The following RUBCNL variants were observed in gnomAD, a reference collection of about 807,000 sequenced individuals.
The protein encoded by RUBCNL is rubicon like autophagy enhancer.
RUBCNL carries 62 observed loss-of-function variants against 69.5 expected under a neutral mutation model. The ratio of observed to expected loss-of-function variants is 0.89; its 90% CI spans 0.73 to 1.10. The LOEUF is 1.10. Among genes scored for constraint, RUBCNL ranks in the 50% least tolerant of loss-of-function variants. The pLI, the probability that RUBCNL is intolerant of heterozygous loss-of-function variation, is 0.00. For missense variants in RUBCNL, 768 were observed against 798.1 expected (o/e 0.96, Z 0.45); for synonymous variants, 291 against 303.6 (o/e 0.96, Z 0.43).
chr13:46,354,657 C>A (rs2048443938), intron 10 of RUBCNL: 5 of 407,152 alleles, frequency 1.2e-5, no homozygotes, highest in South Asian at 8.9e-5. Context: ...CCGATGAAAC[C>A]TCTTACTCCC....
At chr13:46,343,645 C>T (rs764807158) in intron 14 of RUBCNL, 148 bp from the exon 15 acceptor site, 8 of 739,302 alleles carry the variant, frequency 1.1e-5, no homozygotes, top group Admixed American at 2.9e-5. Flanking sequence ...CTGAAACGCA[C>T]GTTTCAGCAG....
chr13:46,372,388 G>A lies in RUBCNL; in HGVS notation c.88C>T (p.Pro30Ser), dbSNP rs1419039339. 2 of 1,613,836 alleles carry A rather than the reference G, an allele frequency of 1.2e-6. No individual in the cohort carries two copies. The highest frequency in any genetic ancestry group is 8.5e-7 in the Non-Finnish European group (1 of 1,179,834). ...GGATGGTCAGTGTTCAGGAGTCTGG[G>A]CGAACCATCAATAATGCCAGAGTGA... ...SDHSGIIDGS[P>S]RLLNTDHPPC... The change falls in exon 3 of 15, where the codon CCC (proline) becomes TCC (serine). Residue 30 changes from proline to serine, a missense_variant. Pro to Ser is a moderately conservative substitution (Grantham distance 74). Coordinates refer to ENST00000429979, the MANE Select transcript of RUBCNL (RefSeq NM_025113.5).
chr13:46,350,319 G>C lies in RUBCNL; in HGVS notation c.1363C>G (p.Leu455Val), dbSNP rs1270764448. 3 of 1,561,574 alleles carry C rather than the reference G, an allele frequency of 1.9e-6. No homozygotes were observed. Among genetic ancestry groups the C allele is most frequent in the Non-Finnish European group, 2.6e-6 (3 of 1,151,174 alleles). Residue 455 changes from leucine (L) to valine (V), a missense_variant, in exon 11 of 15, where the codon CTA (leucine) becomes GTA (valine). Physicochemically the swap from Leu to Val is conservative, Grantham distance 32. Coordinates refer to ENST00000429979, the MANE Select transcript of RUBCNL (RefSeq NM_025113.5). The part of the protein sequence containing the change: ...FVKRLRYCEY[L>V]GKYFCDCCHS... ...CAGCAGTCACAGAAATACTTCCCTA[G>C]GTATTCGCAGTACCGGAGCCGCTTC... is the stretch of plus-strand genomic sequence containing the variant.
At chr13:46,347,007 G>A (rs1354592269) in intron 12 of RUBCNL, among the ~76,000 whole-genome samples, 5 of 152,136 alleles carry the variant, frequency 3.3e-5, no homozygotes, top group Admixed American at 1.3e-4. Context: ...TTTTAGATTT[G>A]GGGGTATGTG....
chr13:46,369,190 C>G (rs1379640542), intron 3 of RUBCNL, among the ~76,000 whole-genome samples: 3 of 152,196 alleles, frequency 2.0e-5, no homozygotes, highest in Non-Finnish European at 4.4e-5. Flanking sequence ...GCTTCTCTAG[C>G]TCATTGTGAT....
intron 10 of RUBCNL, among the ~76,000 whole-genome samples, chr13:46,354,389 T>C (rs1056567452): frequency 1.3e-5 from 2 of 152,186 alleles, no homozygotes; most frequent in African/African-American, 4.8e-5. Context: ...AGGAACTCTC[T>C]CTACTCTTTT....
At position 46,342,035 on chromosome 13, in the gene RUBCNL, T is replaced by C. The variant is rs1320701606; in HGVS notation, c.*1350A>G. 1 of 152,256 alleles carries C rather than the reference T, an allele frequency of 6.6e-6. No homozygotes were observed. Among genetic ancestry groups the C allele is most frequent in the Non-Finnish European group, 1.5e-5 (1 of 68,044 alleles). The allele number at this position is 152,256 out of a possible 1,614,324, so 9.4% of individuals were successfully genotyped here. The stretch of plus-strand genomic sequence containing the variant: ...TGGTTTTATTTATTCTATGTGCCTC[T>C]ACACTTCTATAATACTTAGAAAAGA... On this transcript the variant is annotated 3_prime_UTR_variant, in exon 15 of 15. Coordinates refer to ENST00000429979, the MANE Select transcript of RUBCNL (RefSeq NM_025113.5).
rs951481620 is a variant in RUBCNL, at chr13:46,339,238, A to G, written c.*4147T>C. Among the ~76,000 whole-genome samples, 4 of 152,100 alleles carry G rather than the reference A, an allele frequency of 2.6e-5. No individual in the cohort carries two copies. Among genetic ancestry groups the G allele is most frequent in the Admixed American group, 2.0e-4 (3 of 15,270 alleles). On this transcript the variant is annotated 3_prime_UTR_variant, in exon 15 of 15. Transcript: ENST00000429979. The stretch of plus-strand genomic sequence containing the variant: ...GCCTGCTACCTCAGCATTACTCATA[A>G]AAGTATTGTTTTAGTTTCTAGTGAA...
upstream of RUBCNL, among the ~76,000 whole-genome samples, chr13:46,388,220 A>AAAC (rs1555258499): frequency 1.4e-5 from 2 of 146,034 alleles, no homozygotes; most frequent in African/African-American, 2.6e-5. Flanking sequence ...AAAAAAAAAA[A>AAAC]CAGAAAGGAG....
At chr13:46,353,818 T>C (rs1279065639) in intron 10 of RUBCNL, among the ~76,000 whole-genome samples, 1 of 152,232 alleles carries the variant, frequency 6.6e-6, no homozygotes, top group Non-Finnish European at 1.5e-5. Flanking sequence ...TGCTGTCCAA[T>C]ACAGTAGCCA....
intron 10 of RUBCNL, chr13:46,351,098 A>G (rs2048359491): frequency 7.4e-6 from 1 of 134,658 alleles, no homozygotes; most frequent in East Asian, 3.4e-4. Flanking sequence ...CCCCATCTCC[A>G]CAGAAAAAAA....
chr13:46,376,954 T>C (rs573306630), intron 2 of RUBCNL, among the ~76,000 whole-genome samples: 4 of 152,244 alleles, frequency 2.6e-5, no homozygotes, highest in Admixed American at 6.5e-5. Flanking sequence ...ACCCTACTGA[T>C]AGAAATTTAT....
chr13:46,349,375 A>C (rs745658668), intron 11 of RUBCNL, 28 bp from the exon 12 acceptor site: 1 of 1,591,826 alleles, frequency 6.3e-7, no homozygotes, highest in South Asian at 1.1e-5. Flanking sequence ...ACACGGGGAA[A>C]AGTTAAATGT....
upstream of RUBCNL, chr13:46,387,875 A>T: frequency 3.0e-6 from 3 of 984,220 alleles, no homozygotes; most frequent in Non-Finnish European, 3.6e-6. Flanking sequence ...TGGTGCTAGG[A>T]GAACCTGCCA....
intron 2 of RUBCNL, 35 bp from the exon 3 acceptor site, chr13:46,372,632 G>A: frequency 7.0e-7 from 1 of 1,422,698 alleles, no homozygotes; most frequent in Non-Finnish European, 9.2e-7. Context: ...AAATAAGTAA[G>A]AATTCAATTG....
At chr13:46,352,822 T>TAAA (rs1225894157) in intron 10 of RUBCNL, among the ~76,000 whole-genome samples, 6 of 152,102 alleles carry the variant, frequency 3.9e-5, no homozygotes, top group African/African-American at 1.4e-4. Flanking sequence ...AAAATAAAAA[T>TAAA]AAAAAATAAA....
Position 46,372,099 on chromosome 13 carries a change from CT to C in RUBCNL, c.376del (p.Ser126AlafsTer47), listed in dbSNP as rs771554450. ...SPHGSSEKSS[S>X]FSLSSTEVHM... ...TACCTCTGTTGAGGACAGAGAGAAG[CT>C]GCTACTCTTTTCACTCGAGCCATGG... is the stretch of plus-strand genomic sequence containing the variant. On this transcript the variant is annotated frameshift_variant, in exon 3 of 15. Transcript: ENST00000429979. LOFTEE classifies it high-confidence loss of function. 13 of 1,613,888 alleles carry C rather than the reference CT, an allele frequency of 8.1e-6. No individual in the cohort carries two copies. In the African/African-American group the frequency reaches 1.6e-4, roughly 20 times the overall value.
At chr13:46,382,298 T>C (rs923038668) in intron 1 of RUBCNL, among the ~76,000 whole-genome samples, 1 of 151,898 alleles carries the variant, frequency 6.6e-6, no homozygotes, top group Non-Finnish European at 1.5e-5. Context: ...ACAAAAATAC[T>C]GAAAGGATAG....
chr13:46,365,518 TC>T (rs2048734453), intron 5 of RUBCNL, among the ~76,000 whole-genome samples: 2 of 151,990 alleles, frequency 1.3e-5, no homozygotes, highest in Admixed American at 6.6e-5. Flanking sequence ...TGGATGGTGC[TC>T]CTCCCCTGGG....
Sources: gnomAD v4.1 joint callset for allele counts (sites outside exome capture counted in the v4.1 genomes callset) on GRCh38, gnomAD v4.1.1 for gene constraint, MANE v1.5 for transcripts, NCBI Gene and HGNC (gene_info 2026-07-23, HGNC 2026-07-21) for gene names.